SPNS3: variants seen among roughly 807,000 people sequenced by gnomAD.
SPNS3 encodes SPNS lysolipid transporter 3, sphingosine-1-phosphate (putative).
In SPNS3, 51 loss-of-function variants were observed where a neutral mutation model predicts 54.4. The observed-to-expected ratio is 0.94, with a 90% CI of 0.75 to 1.18. SPNS3 has a LOEUF of 1.18. Ranked by LOEUF, SPNS3 falls within the 50% of genes most tolerant of loss-of-function variation. SPNS3 has a pLI of 0.00. For synonymous variants in SPNS3, 309 were observed against 294.7 expected, an observed-to-expected ratio of 1.05 and a Z score of -0.50; for missense variants, 669 against 677.4, an observed-to-expected ratio of 0.99 and a Z score of 0.14.
intron 7 of SPNS3, among the ~76,000 whole-genome samples, chr17:4,452,447 A>G (rs997180040): frequency 1.3e-5 from 2 of 151,838 alleles, no homozygotes; most frequent in African/African-American, 2.4e-5. Flanking sequence ...AGTGGGTGGG[A>G]AAGGGACGGA....
chr17:4,474,984 G>T (rs1039068713), intron 8 of SPNS3, among the ~76,000 whole-genome samples: 1 of 152,154 alleles, frequency 6.6e-6, no homozygotes. Context: ...TTGTGTGTTG[G>T]TCTCACGTGC....
chr17:4,455,769 C>T (rs1190466004), intron 8 of SPNS3, among the ~76,000 whole-genome samples: 3 of 152,198 alleles, frequency 2.0e-5, no homozygotes, highest in African/African-American at 7.2e-5. Context: ...CCATTCTCCC[C>T]GAATGCCAGA....
Position 4,445,375 on chromosome 17 carries a change from CT to C in SPNS3, c.402+224del, listed in dbSNP as rs150794166. ...GTCTGCACAGGGCAGAGCTGGTGGA[CT>C]TTTTTTTTTTTTTTTTGAGACAGAA... On this transcript the variant is annotated intron_variant, in intron 3 of 11. Coordinates refer to ENST00000355530, the MANE Select transcript of SPNS3 (RefSeq NM_182538.5). Among the ~76,000 whole-genome samples, 227 of 142,114 alleles carry C rather than the reference CT, an allele frequency of 1.6e-3. 1 individual carries two copies. The highest frequency in any genetic ancestry group is 2.3e-3 in the Admixed American group (33 of 14,192). The allele number at this position is 142,114 out of a possible 152,430, so 93.2% of individuals were successfully genotyped here.
intron 9 of SPNS3, chr17:4,482,427 C>G (rs770919896): frequency 6.6e-6 from 1 of 152,160 alleles, no homozygotes. Context: ...GTGATCCTGC[C>G]GTAGCATTCC....
At chr17:4,462,760 TCCATCCATCC>T (rs1567566693) in intron 8 of SPNS3, among the ~76,000 whole-genome samples, 12 of 69,884 alleles carry the variant, frequency 1.7e-4, no homozygotes, top group South Asian at 5.2e-4. Context: ...CACCAATCCA[TCCATCCATCC>T]ATCCATCCAT....
chr17:4,461,735 G>A (rs1325589823), intron 8 of SPNS3, among the ~76,000 whole-genome samples: 3 of 152,150 alleles, frequency 2.0e-5, no homozygotes, highest in Non-Finnish European at 4.4e-5. Context: ...AAGAGTCAGA[G>A]GTGAGTTCCA....
chr17:4,452,854 G>A lies in SPNS3; in HGVS notation c.924-162G>A, dbSNP rs76344128. 9.9e-3 allele frequency among the ~76,000 whole-genome samples: 1,502 copies of A among 152,080 alleles called. 33 individuals carry two copies. Among genetic ancestry groups the A allele is most frequent in the African/African-American group, 0.032 (1,348 of 41,488 alleles). ...CCCTGGGAGTATCAGTGAGGAGGGT[G>A]GGTAAGGTTCTGGGTCAGGTCAGGG... is the stretch of plus-strand genomic sequence containing the variant. On this transcript the variant is annotated intron_variant, in intron 7 of 11. Coordinates refer to ENST00000355530, the MANE Select transcript of SPNS3 (RefSeq NM_182538.5).
At chr17:4,479,079 A>G (rs766014376) in intron 9 of SPNS3, among the ~76,000 whole-genome samples, 2 of 152,132 alleles carry the variant, frequency 1.3e-5, no homozygotes, top group African/African-American at 2.4e-5. Flanking sequence ...AGTAGCAGAG[A>G]CTACAGGCAC....
intron 11 of SPNS3, among the ~76,000 whole-genome samples, chr17:4,487,003 C>G (rs1170272562): frequency 1.3e-5 from 2 of 151,744 alleles, no homozygotes; most frequent in African/African-American, 4.8e-5. Flanking sequence ...GAAGCCCTGT[C>G]TCTACTAAAA....
intron 9 of SPNS3, among the ~76,000 whole-genome samples, chr17:4,478,897 A>C (rs1972084226): frequency 6.6e-6 from 1 of 152,162 alleles, no homozygotes; most frequent in South Asian, 2.1e-4. Flanking sequence ...CAACGCAGGG[A>C]GCCAGGACCG....
At chr17:4,437,084 T>C (rs992492348) in intron 1 of SPNS3, among the ~76,000 whole-genome samples, 10 of 152,194 alleles carry the variant, frequency 6.6e-5, no homozygotes, top group African/African-American at 2.4e-4. Context: ...GATAGAGACC[T>C]GGAGAAGTGA....
chr17:4,476,334 C>T (rs1971999966), intron 8 of SPNS3, among the ~76,000 whole-genome samples: 1 of 152,196 alleles, frequency 6.6e-6, no homozygotes, highest in Non-Finnish European at 1.5e-5. Flanking sequence ...CAGCCTCCCT[C>T]TGATGGGCTC....
At chr17:4,461,206 C>A (rs1383242066) in intron 8 of SPNS3, among the ~76,000 whole-genome samples, 2 of 151,698 alleles carry the variant, frequency 1.3e-5, no homozygotes, top group South Asian at 4.2e-4. Flanking sequence ...TAATGTCCCC[C>A]CTTTCATTCC....
chr17:4,474,790 C>A (rs963457536), intron 8 of SPNS3, among the ~76,000 whole-genome samples: 1 of 152,188 alleles, frequency 6.6e-6, no homozygotes, highest in South Asian at 2.1e-4. Flanking sequence ...GGCTGTTTTT[C>A]GGCAAGTCCA....
At chr17:4,442,341 T>A (rs891413973) in intron 2 of SPNS3, among the ~76,000 whole-genome samples, 1 of 152,070 alleles carries the variant, frequency 6.6e-6, no homozygotes. Context: ...GAGACCAGCC[T>A]GGCCAACATG....
rs1042867431 is a variant in SPNS3, at chr17:4,458,169, C to T, written c.1113+4964C>T. 6.6e-5 allele frequency among the ~76,000 whole-genome samples: 10 copies of T among 152,306 alleles called. No homozygotes were observed. The South Asian group carries it at 1.2e-3, about 19-fold the overall frequency. Reference sequence around the variant, plus strand: ...CTCCGTCCTCTCTGCCCTTCCCTGGCTCATGCCTTGCTGTCTTTCTCCAGA... The same window carrying T: ...CTCCGTCCTCTCTGCCCTTCCCTGGTTCATGCCTTGCTGTCTTTCTCCAGA... On this transcript the variant is annotated intron_variant, in intron 8 of 11. Coordinates refer to ENST00000355530, the MANE Select transcript of SPNS3 (RefSeq NM_182538.5).
chr17:4,484,311 AATTATT>A (rs748814854), intron 9 of SPNS3, among the ~76,000 whole-genome samples: 1 of 152,122 alleles, frequency 6.6e-6, no homozygotes, highest in Admixed American at 6.6e-5. Context: ...AAATGTTGGC[AATTATT>A]ATTATTTTAT....
chr17:4,475,038 C>T (rs1022603190), intron 8 of SPNS3, among the ~76,000 whole-genome samples: 2 of 151,818 alleles, frequency 1.3e-5, no homozygotes, highest in African/African-American at 2.4e-5. Context: ...GGCATGTTGG[C>T]GCGGCCGCAT....
intron 1 of SPNS3, among the ~76,000 whole-genome samples, chr17:4,438,326 C>A (rs936442330): frequency 3.2e-4 from 49 of 152,214 alleles, no homozygotes; most frequent in African/African-American, 1.1e-3. Context: ...GCCTCTGTTT[C>A]CTCATCTGTA....
Sources: gnomAD v4.1 joint callset for allele counts (sites outside exome capture counted in the v4.1 genomes callset) on GRCh38, gnomAD v4.1.1 for gene constraint, MANE v1.5 for transcripts, NCBI Gene and HGNC (gene_info 2026-07-23, HGNC 2026-07-21) for gene names.